ERCC5: variants seen among roughly 807,000 people sequenced by gnomAD.
The protein encoded by ERCC5 is ERCC excision repair 5, endonuclease.
A neutral mutation model predicts 105.6 loss-of-function variants in ERCC5; 68 were observed. The ratio of observed to expected loss-of-function variants is 0.64; its 90% CI spans 0.53 to 0.79. The LOEUF (loss-of-function observed/expected upper bound fraction) is 0.79. ERCC5 is among the 30% of genes least tolerant of loss of function. The probability of loss-of-function intolerance (pLI) is 0.00; values close to 1 mark genes in which losing one functional copy is unlikely to be tolerated. For missense variants in ERCC5, 1,373 were observed against 1,426.7 expected (o/e 0.96, Z 0.61); for synonymous variants, 546 against 526.2 (o/e 1.04, Z -0.51).
Position 102,865,278 on chromosome 13 carries a change from A to C in ERCC5, c.1955-389A>C. 1 of 300,862 alleles carries C rather than the reference A, an allele frequency of 3.3e-6. No individual in the cohort carries two copies. Among genetic ancestry groups the C allele is most frequent in the South Asian group, 3.1e-5 (1 of 32,226 alleles). The allele number at this position is 300,862 out of a possible 1,614,324, so 18.6% of individuals were successfully genotyped here. On this transcript the variant is annotated intron_variant, in intron 8 of 14. Transcript: ENST00000652225. This position sits in a 1 kb window ranked among gnomAD's most constrained non-coding sequence, Gnocchi z 4.0. The stretch of plus-strand genomic sequence containing the variant: ...AGAACTATTTCTTAGTCACAGCTTT[A>C]TTCTGTGCTGTGTAAATAGCATAAA...
Position 102,872,246 on chromosome 13 carries a change from T to G in ERCC5, c.2727T>G (p.Pro909=). The part of the protein sequence containing the change: ...AQKNPKIRPN[P]HDTKVKKKLR... ...AAAATCCAAAGATAAGACCTAATCC[T>G]CATGACACCAAAGTGAAAAAAAAAT... Residue 909 remains proline, a synonymous_variant, in exon 13 of 15, where the codon CCT becomes CCG. Transcript: ENST00000652225. The G allele has an allele frequency of 6.2e-7, 1 of 1,614,018 alleles. No homozygotes were observed. Among genetic ancestry groups the G allele is most frequent in the Non-Finnish European group, 8.5e-7 (1 of 1,180,022 alleles).
chr13:102,847,104 G>A (rs563842489), intron 1 of ERCC5, among the ~76,000 whole-genome samples: 8 of 152,272 alleles, frequency 5.3e-5, no homozygotes, highest in Admixed American at 5.2e-4. Flanking sequence ...CTTGAGTCTT[G>A]CCCCATTTAT....
intron 6 of ERCC5, chr13:102,859,078 G>A (rs3918332): frequency 0.45 from 155,605 of 347,500 alleles, 37,010 homozygotes; most frequent in East Asian, 0.75. Context: ...GCTAGCAAAT[G>A]TGTCTCCTGA....
In ERCC5 at chr13:102,853,860, T is replaced by A. The variant is rs2140518896; in HGVS notation, c.368T>A (p.Phe123Tyr). 6.2e-7 allele frequency: 1 copy of A among 1,614,218 alleles called. No individual in the cohort carries two copies. The highest frequency in any genetic ancestry group is 8.5e-7 in the Non-Finnish European group (1 of 1,180,024). ...AAAAGACAAGCCATCAAAACTGCCT[T>A]CAGAAGCAAAAGGCAAGAGGAAAAT... ...FLKRQAIKTA[F>Y]RSKRDEALPS... The change falls in exon 3 of 15, where the codon TTC (phenylalanine) becomes TAC (tyrosine). Residue 123 changes from phenylalanine (F) to tyrosine (Y), a missense_variant. Transcript: ENST00000652225.
chr13:102,871,975 G>A (rs551923957), intron 12 of ERCC5, among the ~76,000 whole-genome samples: 1 of 152,284 alleles, frequency 6.6e-6, no homozygotes, highest in South Asian at 2.1e-4. Context: ...GATTGGGCAT[G>A]TGAAATATTT....
rs983200101 is a variant in ERCC5 at position 102,862,254 on chromosome 13, G to A, written c.1105G>A (p.Ala369Thr). 1.7e-5 allele frequency: 28 copies of A among 1,614,012 alleles called. No homozygotes were observed. Among genetic ancestry groups the A allele is most frequent in the Non-Finnish European group, 2.1e-5 (25 of 1,180,050 alleles). Residue 369 changes from alanine (A) to threonine (T), a missense_variant, in exon 8 of 15, where the codon GCC becomes ACC. Physicochemically the swap from Ala to Thr is moderately conservative, Grantham distance 58 (BLOSUM62 0). This residue lies in a region of ERCC5 where 1,004 missense variants were observed against 1,059.7 expected (regional missense o/e 0.95). Coordinates refer to ENST00000652225, the MANE Select transcript of ERCC5 (RefSeq NM_000123.4). ...EELESENRRQ[A>T]RGRNAPAAVD... ...GCTGGAGAGTGAAAATCGAAGGCAG[G>A]CCCGTGGGAGGAACGCACCTGCTGC...
intron 5 of ERCC5, 51 bp downstream of exon 5, chr13:102,856,163 T>C (rs1404596723): frequency 6.4e-7 from 1 of 1,564,164 alleles, no homozygotes; most frequent in Admixed American, 1.7e-5. Context: ...TTGAAATGAA[T>C]GACATGAAAA....
chr13:102,865,476 T>A lies in ERCC5; in HGVS notation c.1955-191T>A. The A allele has an allele frequency of 4.0e-6, 3 of 746,758 alleles. No individual in the cohort carries two copies. Among genetic ancestry groups the A allele is most frequent in the Non-Finnish European group, 6.2e-6 (3 of 481,052 alleles). 46.3% of individuals were successfully genotyped at this position (746,758 alleles called of 1,614,324 possible). A position where few individuals can be genotyped will look rare whatever the true frequency, so the allele number is the denominator to read the frequency against. Reference sequence around the variant, plus strand: ...CAGTTTACCTAATTGAAAAGGCTTGTTTTGAAGTTACAGGCATTTGTGATT... The same window carrying A: ...CAGTTTACCTAATTGAAAAGGCTTGATTTGAAGTTACAGGCATTTGTGATT... On this transcript the variant is annotated intron_variant, in intron 8 of 14. Coordinates refer to ENST00000652225, the MANE Select transcript of ERCC5 (RefSeq NM_000123.4). This position sits in a 1 kb window ranked among gnomAD's most constrained non-coding sequence, Gnocchi z 4.0.
At chr13:102,866,578 C>T in intron 10 of ERCC5, 54 bp from the exon 11 acceptor site, 1 of 1,608,704 alleles carries the variant, frequency 6.2e-7, no homozygotes, top group Non-Finnish European at 8.5e-7. Flanking sequence ...CCCCTGTGCT[C>T]AGGGCCTGGC....
At position 102,854,279 on chromosome 13, in the gene ERCC5, A is replaced by T. The variant is rs371521832; in HGVS notation, c.381-9A>T. The T allele has an allele frequency of 1.2e-6, 2 of 1,614,022 alleles. No individual in the cohort carries two copies. Among genetic ancestry groups the T allele is most frequent in the African/African-American group, 2.7e-5 (2 of 74,922 alleles). On this transcript the variant is annotated splice_polypyrimidine_tract_variant and intron_variant, in intron 3 of 14. Transcript: ENST00000652225. ...GCATAATCTGTTTAAAGATTTGTGT[A>T]CTTTCCAGAGATGAAGCACTACCCA... is the stretch of plus-strand genomic sequence containing the variant.
chr13:102,846,251 A>G lies in ERCC5; in HGVS notation c.-16A>G. The G allele has an allele frequency of 6.2e-7, 1 of 1,610,030 alleles. No individual in the cohort carries two copies. Among genetic ancestry groups the G allele is most frequent in the Non-Finnish European group, 8.5e-7 (1 of 1,177,670 alleles). ...GTAGAAGTTGTCGGGGTCCGCTCTT[A>G]GGACGCAGCCGCCTCATGGGGGTCC... On this transcript the variant is annotated 5_prime_UTR_variant, in exon 1 of 15. Coordinates refer to ENST00000652225, the MANE Select transcript of ERCC5 (RefSeq NM_000123.4).
In ERCC5 at chr13:102,853,788, C is replaced by T; in HGVS notation, c.296C>T (p.Ser99Phe). Residue 99 changes from serine to phenylalanine, a missense_variant, in exon 3 of 15, where the codon TCC becomes TTC. Ser to Phe is a radical substitution (Grantham distance 155). This residue lies in a region of ERCC5 where 1,004 missense variants were observed against 1,059.7 expected (regional missense o/e 0.95). Coordinates refer to ENST00000652225, the MANE Select transcript of ERCC5 (RefSeq NM_000123.4). ...VKRRQRKDLA[S>F]SDSRKTTEKL... ...AGAAGGCAGAGAAAGGACTTAGCGT[C>T]CAGTGACTCCAGGAAAACGACAGAG... 1 of 1,614,152 alleles carries T rather than the reference C, an allele frequency of 6.2e-7. No individual in the cohort carries two copies. The highest frequency in any genetic ancestry group is 8.5e-7 in the Non-Finnish European group (1 of 1,180,022).
Position 102,867,988 on chromosome 13 carries a change from TAAG to T in ERCC5, c.2534-123_2534-121del, listed in dbSNP as rs1882900829. On this transcript the variant is annotated intron_variant, in intron 11 of 14. Coordinates refer to ENST00000652225, the MANE Select transcript of ERCC5 (RefSeq NM_000123.4). ...AATAAAATAATTTATTTTCAAATAATAAGATATTTTTGGTGGTTGGATATAGAT... is the reference window on the plus strand; with the variant it reads ...AATAAAATAATTTATTTTCAAATAATATATTTTTGGTGGTTGGATATAGAT... 4.4e-6 allele frequency: 4 copies of T among 909,598 alleles called. No individual in the cohort carries two copies. In the South Asian group the frequency reaches 5.3e-5, roughly 12 times the overall value. 56.3% of individuals were successfully genotyped at this position (909,598 alleles called of 1,614,324 possible).
Position 102,853,739 on chromosome 13 carries a change from C to A in ERCC5, c.265-18C>A. On this transcript the variant is annotated intron_variant, in intron 2 of 14. Transcript: ENST00000652225. ...TCTAATATCCTGAAGTGAGATCTTACATCCTTTCTTCTCATAGGTGAAGAG... is the reference window on the plus strand; with the variant it reads ...TCTAATATCCTGAAGTGAGATCTTAAATCCTTTCTTCTCATAGGTGAAGAG... 1 of 1,608,546 alleles carries A rather than the reference C, an allele frequency of 6.2e-7. No homozygotes were observed. Among genetic ancestry groups the A allele is most frequent in the Non-Finnish European group, 8.5e-7 (1 of 1,175,308 alleles).
Position 102,875,498 on chromosome 13 carries a change from A to C in ERCC5, c.3156A>C (p.Lys1052Asn). ...AATTTGAGCTACTTGATAAGGCAAAAGGAAAAACCCAGAAGAGAGGCATAA... is the reference window on the plus strand; with the variant it reads ...AATTTGAGCTACTTGATAAGGCAAACGGAAAAACCCAGAAGAGAGGCATAA... ...EKEFELLDKA[K>N]GKTQKRGITN... is the part of the protein sequence containing the mutation. Residue 1052 changes from lysine (K) to asparagine (N), a missense_variant, in exon 15 of 15, where the codon AAA becomes AAC. Coordinates refer to ENST00000652225, the MANE Select transcript of ERCC5 (RefSeq NM_000123.4). 1 of 1,614,146 alleles carries C rather than the reference A, an allele frequency of 6.2e-7. No individual in the cohort carries two copies. The highest frequency in any genetic ancestry group is 8.5e-7 in the Non-Finnish European group (1 of 1,179,980).
rs1882224289 is a variant in ERCC5 at position 102,852,058 on chromosome 13, T to C, written c.89-60T>C. The C allele has an allele frequency of 2.5e-6, 4 of 1,574,874 alleles. 1 individual carries two copies. The South Asian group carries it at 3.3e-5, about 13-fold the overall frequency. ...TTGGATAATATCAGTTATTAGGAAA[T>C]TGAAGTTGTGAGGATGAAGAGAAAA... On this transcript the variant is annotated intron_variant, in intron 1 of 14. Coordinates refer to ENST00000652225, the MANE Select transcript of ERCC5 (RefSeq NM_000123.4).
At position 102,862,667 on chromosome 13, in the gene ERCC5, A is replaced by G; in HGVS notation, c.1518A>G (p.Ala506=). 6.2e-7 allele frequency: 1 copy of G among 1,614,184 alleles called. No homozygotes were observed. The stretch of plus-strand genomic sequence containing the variant: ...AAGATCGGCTGCCTCTGGAGAGTGC[A>G]GTGGTTAGACATAGTGACGCACCTG... The part of the protein sequence containing the change: ...DRKDRLPLES[A]VVRHSDAPGL... Residue 506 remains alanine, a synonymous_variant, in exon 8 of 15, where the codon GCA becomes GCG. Transcript: ENST00000652225.
rs752528814 is a variant in ERCC5 at position 102,866,349 on chromosome 13, A to G, written c.2287A>G (p.Thr763Ala). The change falls in exon 10 of 15, where the codon ACT becomes GCT. Residue 763 changes from threonine to alanine, a missense_variant. Transcript: ENST00000652225. ...QKQQQERIAATVTGQMFLESQ... is the reference protein window; with the variant it reads ...QKQQQERIAAAVTGQMFLESQ... ...ACAGCAGCAAGAACGGATCGCTGCT[A>G]CTGTCACCGGACAGATGTTCCTGGA... is the stretch of plus-strand genomic sequence containing the variant. 1.9e-6 allele frequency: 3 copies of G among 1,614,188 alleles called. No individual in the cohort carries two copies. The highest frequency in any genetic ancestry group is 2.5e-6 in the Non-Finnish European group (3 of 1,180,006).
At chr13:102,858,947 T>C (rs770244796) in intron 6 of ERCC5, 1 of 456,080 alleles carries the variant, frequency 2.2e-6, no homozygotes, top group South Asian at 1.5e-5. Context: ...GAGATGCCAT[T>C]GGCTCTCCAC....
Sources: allele counts gnomAD v4.1 joint callset (sites outside exome capture counted in the v4.1 genomes callset), GRCh38; gene constraint gnomAD v4.1.1; regional missense constraint gnomAD v4.1.1; non-coding constraint Gnocchi (gnomAD v3.1); transcripts MANE v1.5; gene names NCBI Gene and HGNC (gene_info 2026-07-23, HGNC 2026-07-21).